Variants in KCNIP4 observed in about 807,000 individuals in gnomAD.
KCNIP4 encodes the protein potassium voltage-gated channel interacting protein 4.
Under a neutral mutation model 34.0 loss-of-function variants are expected in KCNIP4, and 12 were observed. The ratio of observed to expected loss-of-function variants is 0.35; its 90% CI spans 0.23 to 0.57. The LOEUF (loss-of-function observed/expected upper bound fraction) is 0.57. KCNIP4 is among the 20% of genes least tolerant of loss of function. The pLI is 0.83. For synonymous variants in KCNIP4, 124 were observed against 102.2 expected (o/e 1.21, Z -1.29); for missense variants, 238 against 311.7 (o/e 0.76, Z 1.78).
chr4:21,313,461 C>G (rs1028763972), intron 1 of KCNIP4, among the ~76,000 whole-genome samples: 1 of 152,174 alleles, frequency 6.6e-6, no homozygotes, highest in Non-Finnish European at 1.5e-5. Context: ...AGTTTAATTA[C>G]TAACAATTCT....
chr4:21,065,765 T>TATATATATATATATAA (rs1491302260), intron 1 of KCNIP4, among the ~76,000 whole-genome samples: 2 of 114,832 alleles, frequency 1.7e-5, no homozygotes, highest in African/African-American at 6.3e-5. Flanking sequence ...TATATATATA[T>TATATATATATATATAA]AACTCAATTT....
chr4:20,753,904 T>G (rs1419023775), intron 4 of KCNIP4, among the ~76,000 whole-genome samples: 2 of 66,338 alleles, frequency 3.0e-5, no homozygotes, highest in Admixed American at 4.4e-4. Context: ...TTGAGCTCAT[T>G]TGTTCATTCA....
At chr4:21,613,825 G>C (rs907950772) in intron 1 of KCNIP4, 32 of 152,002 alleles carry the variant, frequency 2.1e-4, no homozygotes, top group African/African-American at 7.5e-4. Context: ...AATGGATCCA[G>C]GTAGGGCCCA....
chr4:21,577,765 A>T (rs1203749745), intron 1 of KCNIP4, among the ~76,000 whole-genome samples: 1 of 152,080 alleles, frequency 6.6e-6, no homozygotes, highest in Admixed American at 6.5e-5. Flanking sequence ...CCACCTAGTT[A>T]GCTCCTTCCT....
At chr4:21,223,491 T>C (rs1758130360) in intron 1 of KCNIP4, among the ~76,000 whole-genome samples, 1 of 152,220 alleles carries the variant, frequency 6.6e-6, no homozygotes, top group Non-Finnish European at 1.5e-5. Context: ...TGCATATGAA[T>C]CGTCTCAGCA....
chr4:21,174,671 G>T (rs187407697), intron 1 of KCNIP4, among the ~76,000 whole-genome samples: 47 of 152,118 alleles, frequency 3.1e-4, no homozygotes, highest in Middle Eastern at 6.8e-3. Context: ...AGGCCGAGGT[G>T]GGCAGATCAC....
At chr4:21,391,511 C>T (rs775205469) in intron 1 of KCNIP4, among the ~76,000 whole-genome samples, 3 of 152,096 alleles carry the variant, frequency 2.0e-5, no homozygotes, top group Non-Finnish European at 4.4e-5. Flanking sequence ...CAGGAACGTG[C>T]CCTAAATGCA....
intron 1 of KCNIP4, among the ~76,000 whole-genome samples, chr4:21,505,218 A>AT (rs1482893866): frequency 1.3e-5 from 2 of 151,988 alleles, no homozygotes; most frequent in Non-Finnish European, 2.9e-5. Flanking sequence ...CTGTAGTTTC[A>AT]TAGATTTTTC....
chr4:21,753,214 A>C (rs147772689), intron 1 of KCNIP4, among the ~76,000 whole-genome samples: 1 of 152,158 alleles, frequency 6.6e-6, no homozygotes, highest in African/African-American at 2.4e-5. Context: ...AAGGTTTTTC[A>C]CACTATCTGA....
At chr4:21,198,277 CCT>C (rs1446661681) in intron 1 of KCNIP4, among the ~76,000 whole-genome samples, 1 of 152,136 alleles carries the variant, frequency 6.6e-6, no homozygotes, top group African/African-American at 2.4e-5. Flanking sequence ...AAATTTTACC[CCT>C]GAGAGTTTTA....
intron 1 of KCNIP4, among the ~76,000 whole-genome samples, chr4:21,279,440 A>G (rs1762639558): frequency 6.6e-6 from 1 of 151,706 alleles, no homozygotes; most frequent in Admixed American, 6.6e-5. Flanking sequence ...TTGAAAACTG[A>G]GTTTTGGTAT....
At chr4:20,889,447 A>G (rs1725671701) in intron 1 of KCNIP4, among the ~76,000 whole-genome samples, 1 of 152,122 alleles carries the variant, frequency 6.6e-6, no homozygotes, top group Non-Finnish European at 1.5e-5. Flanking sequence ...GAGTAGTTGT[A>G]TTATATTTCA....
chr4:20,913,214 G>A (rs1243161491), intron 1 of KCNIP4, among the ~76,000 whole-genome samples: 2 of 152,018 alleles, frequency 1.3e-5, no homozygotes, highest in East Asian at 3.9e-4. Context: ...TGCTACCACA[G>A]AGGTGGATCT....
chr4:21,179,271 T>C (rs1754668406), intron 1 of KCNIP4, among the ~76,000 whole-genome samples: 1 of 152,218 alleles, frequency 6.6e-6, no homozygotes, highest in South Asian at 2.1e-4. Context: ...CTTCTTTTAG[T>C]GAAACCTTGC....
chr4:20,753,458 G>A (rs1753984735), intron 4 of KCNIP4, among the ~76,000 whole-genome samples: 1 of 151,974 alleles, frequency 6.6e-6, no homozygotes, highest in South Asian at 2.1e-4. Context: ...CAATTATATC[G>A]AGAACACAGT....
At chr4:21,866,088 A>G (rs1725397118) in intron 1 of KCNIP4, among the ~76,000 whole-genome samples, 1 of 152,190 alleles carries the variant, frequency 6.6e-6, no homozygotes, top group African/African-American at 2.4e-5. Context: ...CCACGGCTGC[A>G]CTGTGGATTT....
chr4:20,863,059 A>G (rs894504783), intron 2 of KCNIP4, among the ~76,000 whole-genome samples: 1 of 152,134 alleles, frequency 6.6e-6, no homozygotes, highest in African/African-American at 2.4e-5. Context: ...CACCTTACCC[A>G]CTGCCTAGAC....
chr4:21,573,924 A>G (rs896718452), intron 1 of KCNIP4, among the ~76,000 whole-genome samples: 1 of 152,176 alleles, frequency 6.6e-6, no homozygotes, highest in Non-Finnish European at 1.5e-5. Context: ...AAATACCTTT[A>G]TTTTGTTGAT....
At chr4:20,855,795 T>C (rs1194560194) in intron 2 of KCNIP4, among the ~76,000 whole-genome samples, 1 of 151,984 alleles carries the variant, frequency 6.6e-6, no homozygotes, top group Non-Finnish European at 1.5e-5. Flanking sequence ...AAGAATGAAA[T>C]GGAAAAGCTT....
Sources: allele counts gnomAD v4.1 joint callset (sites outside exome capture counted in the v4.1 genomes callset), GRCh38; gene constraint gnomAD v4.1.1; transcripts MANE v1.5; gene names NCBI Gene and HGNC (gene_info 2026-07-23, HGNC 2026-07-21).